The following ATP8A2 variants were observed in gnomAD, a reference collection of about 807,000 sequenced individuals.
ATP8A2 encodes the protein ATPase phospholipid transporting 8A2, also known as phospholipid-transporting ATPase IB.
Under a neutral mutation model 165.6 loss-of-function variants are expected in ATP8A2, and 100 were observed. The ratio of observed to expected loss-of-function variants is 0.60; its 90% CI spans 0.51 to 0.71. ATP8A2 has a LOEUF of 0.71. Ranked by LOEUF, ATP8A2 falls within the 30% of genes least tolerant of loss-of-function variation. ATP8A2 has a pLI of 0.00. For missense variants in ATP8A2, 1,227 were observed against 1,479.5 expected (o/e 0.83, Z 2.80); for synonymous variants, 543 against 548.8 (o/e 0.99, Z 0.15).
At chr13:25,719,270 T>G (rs2043320911) in intron 25 of ATP8A2, among the ~76,000 whole-genome samples, 1 of 148,830 alleles carries the variant, frequency 6.7e-6, no homozygotes, top group African/African-American at 2.6e-5. Context: ...TTTTAATTGA[T>G]TGATTCACAG....
In ATP8A2 at chr13:25,870,815, AC is replaced by A. The variant is rs367763234; in HGVS notation, c.3183+8411del. Reference sequence around the variant, plus strand: ...TAATAAATTTTATCTGAAGTGACTTACCCCGCAATGCAATAGAATTTTTAAA... The same window carrying A: ...TAATAAATTTTATCTGAAGTGACTTACCCGCAATGCAATAGAATTTTTAAA... On this transcript the variant is annotated intron_variant, in intron 33 of 36. Coordinates refer to ENST00000381655, the MANE Select transcript of ATP8A2 (RefSeq NM_016529.6). Among the ~76,000 whole-genome samples the A allele has an allele frequency of 5.3e-3, 802 of 152,266 alleles. 14 individuals carry two copies. The highest frequency in any genetic ancestry group is 0.019 in the African/African-American group (785 of 41,558).
At chr13:25,744,315 C>T (rs1359222272) in intron 25 of ATP8A2, among the ~76,000 whole-genome samples, 1 of 151,654 alleles carries the variant, frequency 6.6e-6, no homozygotes, top group African/African-American at 2.4e-5. Flanking sequence ...TGGCATCTGG[C>T]TCACTCACCA....
intron 27 of ATP8A2, among the ~76,000 whole-genome samples, chr13:25,814,038 C>G (rs1950945744): frequency 6.6e-6 from 1 of 152,008 alleles, no homozygotes; most frequent in African/African-American, 2.4e-5. Flanking sequence ...GACCTGCCCA[C>G]CTTTCTAATT....
chr13:25,635,093 T>C (rs2041337038), intron 24 of ATP8A2, among the ~76,000 whole-genome samples: 1 of 152,216 alleles, frequency 6.6e-6, no homozygotes, highest in South Asian at 2.1e-4. Context: ...GATTGTATTG[T>C]GTGTCAGAAC....
At chr13:25,967,748 T>C (rs571428810) in intron 34 of ATP8A2, among the ~76,000 whole-genome samples, 7 of 152,310 alleles carry the variant, frequency 4.6e-5, no homozygotes, top group African/African-American at 1.7e-4. Context: ...GTAGCTAGAT[T>C]GTTTCCAACT....
At chr13:25,705,836 A>G (rs2043045199) in intron 25 of ATP8A2, among the ~76,000 whole-genome samples, 1 of 152,240 alleles carries the variant, frequency 6.6e-6, no homozygotes, top group Non-Finnish European at 1.5e-5. Flanking sequence ...CACCTTTTAC[A>G]ATATGCAAAG....
At chr13:25,945,585 C>T (rs1008006364) in intron 33 of ATP8A2, among the ~76,000 whole-genome samples, 2 of 152,256 alleles carry the variant, frequency 1.3e-5, no homozygotes, top group Admixed American at 6.5e-5. Flanking sequence ...CAACCACCAC[C>T]ATGAACTTTG....
At chr13:25,611,870 T>C (rs2040696945) in intron 24 of ATP8A2, among the ~76,000 whole-genome samples, 1 of 152,162 alleles carries the variant, frequency 6.6e-6, no homozygotes, top group Non-Finnish European at 1.5e-5. Flanking sequence ...CTAGGAGGGT[T>C]GTATTTTTCC....
intron 35 of ATP8A2, among the ~76,000 whole-genome samples, chr13:25,973,175 C>T (rs1196992317): frequency 1.3e-5 from 2 of 152,160 alleles, no homozygotes; most frequent in Non-Finnish European, 2.9e-5. Flanking sequence ...AAGTGCTTTC[C>T]CTGGGTGTAG....
chr13:26,016,583 A>G (rs906159236), intron 36 of ATP8A2, among the ~76,000 whole-genome samples: 3 of 152,240 alleles, frequency 2.0e-5, no homozygotes, highest in African/African-American at 7.2e-5. Context: ...GGAGTAGACT[A>G]TTCCAAAGGC....
At chr13:25,965,794 G>A (rs1016553832) in intron 34 of ATP8A2, among the ~76,000 whole-genome samples, 1 of 152,072 alleles carries the variant, frequency 6.6e-6, no homozygotes, top group African/African-American at 2.4e-5. Context: ...TACAGTCCCC[G>A]ATTCCAGAAT....
chr13:26,016,350 T>C (rs549292864), intron 36 of ATP8A2, among the ~76,000 whole-genome samples: 1 of 152,290 alleles, frequency 6.6e-6, no homozygotes, highest in Non-Finnish European at 1.5e-5. Flanking sequence ...TCTGCCTGTC[T>C]CTTCAAAGGG....
chr13:25,668,415 G>A (rs1165573788), intron 24 of ATP8A2, among the ~76,000 whole-genome samples: 3 of 152,102 alleles, frequency 2.0e-5, no homozygotes, highest in East Asian at 1.9e-4. Context: ...GATTGCTTGT[G>A]TATAATAAGT....
chr13:25,909,082 A>G (rs1421414496), intron 33 of ATP8A2, among the ~76,000 whole-genome samples: 1 of 152,200 alleles, frequency 6.6e-6, no homozygotes, highest in Admixed American at 6.5e-5. Context: ...ATCTTTATTT[A>G]AACCTGATAT....
At chr13:25,756,388 G>A (rs11839949) in intron 25 of ATP8A2, among the ~76,000 whole-genome samples, 17,419 of 149,556 alleles carry the variant, frequency 0.12, 1,102 homozygotes, top group East Asian at 0.22. Context: ...GTGAAGTGGT[G>A]TGGTTGTGGC....
chr13:25,783,918 G>T (rs1447495412), intron 27 of ATP8A2, among the ~76,000 whole-genome samples: 1 of 152,166 alleles, frequency 6.6e-6, no homozygotes, highest in African/African-American at 2.4e-5. Context: ...GTTGCTGCTG[G>T]TTGATAGAGC....
chr13:25,681,299 C>T (rs1055526041), intron 24 of ATP8A2, among the ~76,000 whole-genome samples: 2 of 152,178 alleles, frequency 1.3e-5, no homozygotes, highest in Non-Finnish European at 2.9e-5. Flanking sequence ...ATTTGTTAGC[C>T]TGGAGCTTCT....
At chr13:25,467,881 T>C (rs2035714785) in intron 1 of ATP8A2, among the ~76,000 whole-genome samples, 1 of 152,228 alleles carries the variant, frequency 6.6e-6, no homozygotes, top group South Asian at 2.1e-4. Context: ...GTGTGCAACG[T>C]CCGTTTCTTT....
At chr13:25,923,644 A>G (rs1954522485) in intron 33 of ATP8A2, among the ~76,000 whole-genome samples, 1 of 151,274 alleles carries the variant, frequency 6.6e-6, no homozygotes, top group Admixed American at 6.6e-5. Context: ...TTTTTCTGTA[A>G]AATAGGCATG....
Sources: allele counts gnomAD v4.1 joint callset (sites outside exome capture counted in the v4.1 genomes callset), GRCh38; gene constraint gnomAD v4.1.1; transcripts MANE v1.5; gene names NCBI Gene and HGNC (gene_info 2026-07-23, HGNC 2026-07-21).